Variants in LRRC7 observed in about 807,000 individuals in gnomAD.
LRRC7 encodes the protein leucine-rich repeat-containing protein 7.
LRRC7 carries 23 observed loss-of-function variants against 175.7 expected under a neutral mutation model. The ratio of observed to expected loss-of-function variants is 0.13; its 90% CI spans 0.09 to 0.19. The LOEUF (loss-of-function observed/expected upper bound fraction) is 0.19. Ranked by LOEUF, LRRC7 falls within the 10% of genes least tolerant of loss-of-function variation. LRRC7 has a pLI of 1.00. For synonymous variants in LRRC7, 685 were observed against 680.9 expected (o/e 1.01, Z -0.09); for missense variants, 1,354 against 1,904.7 (o/e 0.71, Z 5.38).
intron 1 of LRRC7, among the ~76,000 whole-genome samples, chr1:69,625,569 T>C (rs1040575923): frequency 6.6e-6 from 1 of 151,744 alleles, no homozygotes; most frequent in Non-Finnish European, 1.5e-5. Flanking sequence ...CTTGATTACT[T>C]ATATCCAGAC....
intron 9 of LRRC7, among the ~76,000 whole-genome samples, chr1:69,982,521 A>G (rs1653539353): frequency 6.6e-6 from 1 of 152,142 alleles, no homozygotes; most frequent in African/African-American, 2.4e-5. Flanking sequence ...TTTTTTTCTT[A>G]GTTCATGTAT....
intron 11 of LRRC7, among the ~76,000 whole-genome samples, chr1:70,009,117 G>T (rs531687371): frequency 6.6e-6 from 1 of 151,674 alleles, no homozygotes; most frequent in Admixed American, 6.6e-5. Context: ...TATAAAAAAA[G>T]AAAAAAGAGA....
At chr1:69,653,523 G>A (rs1041419782) in intron 1 of LRRC7, among the ~76,000 whole-genome samples, 1 of 152,006 alleles carries the variant, frequency 6.6e-6, no homozygotes, top group African/African-American at 2.4e-5. Flanking sequence ...CAGGGATGTG[G>A]ACAAATTAGA....
At chr1:69,815,451 C>T (rs895315704) in intron 4 of LRRC7, among the ~76,000 whole-genome samples, 4 of 152,068 alleles carry the variant, frequency 2.6e-5, no homozygotes, top group Non-Finnish European at 4.4e-5. Context: ...GAATACCCTT[C>T]CACCTGTTTG....
intron 25 of LRRC7, among the ~76,000 whole-genome samples, chr1:70,106,972 A>G (rs1216562766): frequency 6.6e-6 from 1 of 152,172 alleles, no homozygotes; most frequent in Non-Finnish European, 1.5e-5. Flanking sequence ...GTTTATAATT[A>G]TTGGTTTTCT....
rs753748733 is a variant in LRRC7 at position 70,039,030 on chromosome 1, A to C, written c.3206A>C (p.Asp1069Ala). ...ATGACAAAAAAAGTCTATCAGTTTG[A>C]CCAAAGCTTCAATCCTCAAGGATCA... is the stretch of plus-strand genomic sequence containing the variant. ...ASMTKKVYQF[D>A]QSFNPQGSVE... The change falls in exon 21 of 27, where the codon GAC (aspartate) becomes GCC (alanine). Residue 1069 changes from aspartate to alanine, a missense_variant. Asp to Ala is a moderately radical substitution (Grantham distance 126). Transcript: ENST00000651989. The C allele has an allele frequency of 2.0e-5, 32 of 1,613,952 alleles. No individual in the cohort carries two copies. Among genetic ancestry groups the C allele is most frequent in the Non-Finnish European group, 2.6e-5 (31 of 1,180,014 alleles).
At chr1:69,945,937 T>C (rs892142353) in intron 8 of LRRC7, among the ~76,000 whole-genome samples, 2 of 152,194 alleles carry the variant, frequency 1.3e-5, no homozygotes, top group African/African-American at 4.8e-5. Flanking sequence ...AGAGACATTT[T>C]ACATCTCTTT....
At chr1:69,879,060 A>C (rs1647091263) in intron 7 of LRRC7, among the ~76,000 whole-genome samples, 1 of 150,808 alleles carries the variant, frequency 6.6e-6, no homozygotes, top group Non-Finnish European at 1.5e-5. Flanking sequence ...TTGGGTGACT[A>C]TAATGTGTAG....
chr1:69,580,713 A>G (rs1196995595), intron 1 of LRRC7, among the ~76,000 whole-genome samples: 1 of 152,196 alleles, frequency 6.6e-6, no homozygotes, highest in Admixed American at 6.5e-5. Flanking sequence ...ACTGTGTGCC[A>G]GGCCTTGTGC....
In LRRC7 at chr1:69,611,978, A is replaced by G. The variant is rs374623276; in HGVS notation, c.2+43337A>G. Reference sequence around the variant, plus strand: ...CACAAGCATTGATTTTGAGGTACAAATTAATTCTTGCCAGTAGGAAGCTAC... The same window carrying G: ...CACAAGCATTGATTTTGAGGTACAAGTTAATTCTTGCCAGTAGGAAGCTAC... On this transcript the variant is annotated intron_variant, in intron 1 of 26. Coordinates refer to ENST00000651989, the MANE Select transcript of LRRC7 (RefSeq NM_001370785.2). Among the ~76,000 whole-genome samples the G allele has an allele frequency of 3.0e-4, 45 of 152,178 alleles. 1 individual carries two copies. In the South Asian group the frequency reaches 9.1e-3, roughly 31 times the overall value.
intron 2 of LRRC7, among the ~76,000 whole-genome samples, chr1:69,705,560 T>C (rs1335753194): frequency 6.6e-6 from 1 of 151,950 alleles, no homozygotes; most frequent in East Asian, 1.9e-4. Context: ...AAAGAAAAGG[T>C]TTAGAGTTTC....
chr1:69,845,598 T>A (rs1368486962), intron 7 of LRRC7, among the ~76,000 whole-genome samples: 1 of 152,134 alleles, frequency 6.6e-6, no homozygotes, highest in African/African-American at 2.4e-5. Flanking sequence ...GCTCATAGAT[T>A]AATATGTATT....
At chr1:70,113,613 A>G (rs1386077989) in intron 26 of LRRC7, among the ~76,000 whole-genome samples, 1 of 152,170 alleles carries the variant, frequency 6.6e-6, no homozygotes, top group Non-Finnish European at 1.5e-5. Context: ...AGCACATTGT[A>G]CTTTTAAAGT....
intron 4 of LRRC7, among the ~76,000 whole-genome samples, chr1:69,810,092 A>C (rs1677646731): frequency 1.3e-5 from 2 of 152,216 alleles, no homozygotes; most frequent in Non-Finnish European, 2.9e-5. Flanking sequence ...TACAAAATCA[A>C]TGTGCAAAAA....
chr1:69,906,472 A>G (rs909036381), intron 7 of LRRC7, among the ~76,000 whole-genome samples: 5 of 152,310 alleles, frequency 3.3e-5, no homozygotes, highest in Middle Eastern at 3.4e-3. Context: ...TCACCTTTCT[A>G]CATATGGCCA....
chr1:70,115,614 A>G (rs1665800846), intron 26 of LRRC7, among the ~76,000 whole-genome samples: 1 of 152,186 alleles, frequency 6.6e-6, no homozygotes, highest in African/African-American at 2.4e-5. Flanking sequence ...CCCACTGTGT[A>G]CAAAGTATTG....
intron 8 of LRRC7, among the ~76,000 whole-genome samples, chr1:69,957,763 A>C (rs1247757713): frequency 6.6e-6 from 1 of 151,948 alleles, no homozygotes; most frequent in Non-Finnish European, 1.5e-5. Flanking sequence ...TGCAAGTTCT[A>C]CTTTAAAAGC....
chr1:69,978,355 G>A lies in LRRC7; in HGVS notation c.712-2024G>A, dbSNP rs1413659182. Among the ~76,000 whole-genome samples the A allele has an allele frequency of 2.0e-5, 3 of 151,946 alleles. No homozygotes were observed. In the South Asian group the frequency reaches 6.3e-4, roughly 32 times the overall value. ...GAGGGGAGGGGAGCAACACATGAGT[G>A]ATGTTTTCCAGTTCACCTGCCTGTT... is the stretch of plus-strand genomic sequence containing the variant. On this transcript the variant is annotated intron_variant, in intron 8 of 26. Transcript: ENST00000651989.
intron 2 of LRRC7, among the ~76,000 whole-genome samples, chr1:69,687,240 G>A (rs1404618749): frequency 6.6e-6 from 1 of 152,064 alleles, no homozygotes; most frequent in Non-Finnish European, 1.5e-5. Flanking sequence ...CAGGCACGTT[G>A]GCTCACACCT....
Sources: gnomAD v4.1 joint callset for allele counts (sites outside exome capture counted in the v4.1 genomes callset) on GRCh38, gnomAD v4.1.1 for gene constraint, MANE v1.5 for transcripts, NCBI Gene and HGNC (gene_info 2026-07-23, HGNC 2026-07-21) for gene names.